The following POGLUT3 variants were observed in gnomAD, a reference collection of about 807,000 sequenced individuals.
POGLUT3 encodes the protein KDEL (Lys-Asp-Glu-Leu) containing 2.
POGLUT3 carries 48 observed loss-of-function variants against 54.3 expected under a neutral mutation model. That is an observed-to-expected ratio of 0.88 (90% CI 0.70 to 1.12). The LOEUF (loss-of-function observed/expected upper bound fraction) is 1.12. Ranked by LOEUF, POGLUT3 falls within the 50% of genes most tolerant of loss-of-function variation. The probability of loss-of-function intolerance (pLI) is 0.00; values close to 1 mark genes in which losing one functional copy is unlikely to be tolerated. For synonymous variants in POGLUT3, 218 were observed against 237.4 expected (o/e 0.92, Z 0.75); for missense variants, 629 against 618.7 (o/e 1.02, Z -0.18).
At position 108,477,708 on chromosome 11, in the gene POGLUT3, T is replaced by C; in HGVS notation, c.1297A>G (p.Asn433Asp). The C allele has an allele frequency of 6.2e-7, 1 of 1,602,556 alleles. No individual in the cohort carries two copies. Among genetic ancestry groups the C allele is most frequent in the Non-Finnish European group, 8.5e-7 (1 of 1,170,142 alleles). The change falls in exon 7 of 8, where the codon AAT becomes GAT. Residue 433 changes from asparagine to aspartate, a missense_variant. Coordinates refer to ENST00000323468, the MANE Select transcript of POGLUT3 (RefSeq NM_153705.5). The part of the protein sequence containing the change: ...LLEKVKWAKE[N>D]DEEAKKIAKE... ...GCAATCTTCTTGGCTTCTTCATCATTTTCCTGAAAGGTTAAAAAAAATAAA... is the reference window on the plus strand; with the variant it reads ...GCAATCTTCTTGGCTTCTTCATCATCTTCCTGAAAGGTTAAAAAAAATAAA...
At chr11:108,490,177 C>A (rs1028019212) in intron 2 of POGLUT3, among the ~76,000 whole-genome samples, 1 of 152,110 alleles carries the variant, frequency 6.6e-6, no homozygotes, top group African/African-American at 2.4e-5. Flanking sequence ...CTGCACATGG[C>A]CTAGCCCAGC....
intron 2 of POGLUT3, 65 bp downstream of exon 2, chr11:108,490,905 G>T: frequency 8.0e-7 from 1 of 1,242,446 alleles, no homozygotes; most frequent in Non-Finnish European, 1.2e-6. Flanking sequence ...ATCAGGTTTA[G>T]GCCATTCTGA....
intron 6 of POGLUT3, 79 bp from the exon 7 acceptor site, chr11:108,477,790 C>G (rs2093584994): frequency 1.1e-6 from 1 of 891,560 alleles, no homozygotes; most frequent in Admixed American, 1.8e-5. Flanking sequence ...TGAGGTGGGA[C>G]AGATGTGGGG....
Position 108,491,563 on chromosome 11 carries a change from G to A in POGLUT3, c.203-396C>T, listed in dbSNP as rs970408372. 4.2e-5 allele frequency: 10 copies of A among 236,946 alleles called. No individual in the cohort carries two copies. The East Asian group carries it at 7.1e-4, about 17-fold the overall frequency. 14.7% of individuals were successfully genotyped at this position (236,946 alleles called of 1,614,324 possible). ...ATTTTTTGTAGAGATGGTGGGGGGC[G>A]GGATGGGTTGGAGGGGGTCTTGCTG... On this transcript the variant is annotated intron_variant, in intron 1 of 7. Transcript: ENST00000323468.
At chr11:108,495,897 C>G (rs1057185471) in intron 1 of POGLUT3, among the ~76,000 whole-genome samples, 1 of 152,248 alleles carries the variant, frequency 6.6e-6, no homozygotes, top group South Asian at 2.1e-4. Flanking sequence ...AGTCACAGAT[C>G]ACAGGGGTAA....
Position 108,474,730 on chromosome 11 carries a change from C to A in POGLUT3, c.*97G>T. On this transcript the variant is annotated 3_prime_UTR_variant, in exon 8 of 8. Coordinates refer to ENST00000323468, the MANE Select transcript of POGLUT3 (RefSeq NM_153705.5). The stretch of plus-strand genomic sequence containing the variant: ...ATATAAAGCCACCGGGAGAACTAGT[C>A]CACTTGGTGCAGTCTTCTATACTGT... 7.1e-7 allele frequency: 1 copy of A among 1,410,032 alleles called. No homozygotes were observed. The highest frequency in any genetic ancestry group is 9.7e-7 in the Non-Finnish European group (1 of 1,027,104). The allele number at this position is 1,410,032 out of a possible 1,614,324, so 87.3% of individuals were successfully genotyped here. A position where few individuals can be genotyped will look rare whatever the true frequency, so the allele number is the denominator to read the frequency against.
In POGLUT3 at chr11:108,482,191, T is replaced by C. The variant is rs368360351; in HGVS notation, c.716A>G (p.Asn239Ser). The C allele has an allele frequency of 1.9e-6, 3 of 1,613,894 alleles. No homozygotes were observed. The highest frequency in any genetic ancestry group is 1.7e-6 in the Non-Finnish European group (2 of 1,179,902). ...VLLPDLEFYV[N>S]LGDWPLEHRK... ...ATGCTCCAAGGGCCAATCTCCAAGA[T>C]TAACATAAAATTCTAAATCTGGGAG... Residue 239 changes from asparagine (N) to serine (S), a missense_variant, in exon 4 of 8, where the codon AAT (asparagine) becomes AGT (serine). Coordinates refer to ENST00000323468, the MANE Select transcript of POGLUT3 (RefSeq NM_153705.5).
At chr11:108,488,346 A>G (rs1383271564) in intron 2 of POGLUT3, among the ~76,000 whole-genome samples, 1 of 152,204 alleles carries the variant, frequency 6.6e-6, no homozygotes, top group African/African-American at 2.4e-5. Context: ...TTTTTAAGGC[A>G]CTAGGTATTA....
At chr11:108,498,096 G>A in intron 1 of POGLUT3, 69 bp downstream of exon 1, 1 of 1,351,522 alleles carries the variant, frequency 7.4e-7, no homozygotes, top group Non-Finnish European at 9.7e-7. Context: ...GCCGCGGGCG[G>A]ACTCCCGGGC....
At chr11:108,489,007 A>C (rs982799632) in intron 2 of POGLUT3, among the ~76,000 whole-genome samples, 1 of 152,210 alleles carries the variant, frequency 6.6e-6, no homozygotes, top group African/African-American at 2.4e-5. Flanking sequence ...CTGTAAAAGC[A>C]AAACTTGGAA....
rs564530328 is a variant in POGLUT3, at chr11:108,482,091, G to A, written c.816C>T (p.Val272=). 485 of 1,614,132 alleles carry A rather than the reference G, an allele frequency of 3.0e-4. 3 individuals are homozygous for A. The South Asian group carries it at 5.0e-3, about 17-fold the overall frequency. Residue 272 remains valine (V), a synonymous_variant, in exon 4 of 8, where the codon GTC becomes GTT. Coordinates refer to ENST00000323468, the MANE Select transcript of POGLUT3 (RefSeq NM_153705.5). ...AGTGGGTGATGTCATACGTTGGAAG[G>A]ACAACATCTCTTGAATCCAGAGAGC... is the stretch of plus-strand genomic sequence containing the variant. ...WCGSLDSRDV[V]LPTYDITHSM...
chr11:108,482,246 T>A (rs1275933674), intron 3 of POGLUT3, 24 bp from the exon 4 acceptor site: 1 of 1,534,538 alleles, frequency 6.5e-7, no homozygotes, highest in Non-Finnish European at 9.0e-7. Context: ...TAAACAAACA[T>A]CAGTGCTGGG....
At position 108,474,600 on chromosome 11, in the gene POGLUT3, A is replaced by G. The variant is rs568918572; in HGVS notation, c.*227T>C. Reference sequence around the variant, plus strand: ...ATCCCCAAGATACCTCATTATGTACATGCAAATATTCCCAAATCTTAAAAA... The same window carrying G: ...ATCCCCAAGATACCTCATTATGTACGTGCAAATATTCCCAAATCTTAAAAA... On this transcript the variant is annotated 3_prime_UTR_variant, in exon 8 of 8. Coordinates refer to ENST00000323468, the MANE Select transcript of POGLUT3 (RefSeq NM_153705.5). 367 of 349,066 alleles carry G rather than the reference A, an allele frequency of 1.1e-3. 1 individual carries two copies. The highest frequency in any genetic ancestry group is 6.9e-3 in the African/African-American group (330 of 47,790). 21.6% of individuals were successfully genotyped at this position (349,066 alleles called of 1,614,324 possible).
intron 4 of POGLUT3, among the ~76,000 whole-genome samples, chr11:108,481,667 G>A (rs1254705792): frequency 3.9e-5 from 6 of 152,078 alleles, no homozygotes; most frequent in Non-Finnish European, 7.4e-5. Context: ...GCAAGTATTC[G>A]TGTATTCTGT....
intron 5 of POGLUT3, among the ~76,000 whole-genome samples, chr11:108,479,964 G>C (rs2093589495): frequency 6.6e-6 from 1 of 152,078 alleles, no homozygotes; most frequent in African/African-American, 2.4e-5. Context: ...CTCCTGAGTA[G>C]CTGGGATTAC....
rs2093574303 is a variant in POGLUT3 at position 108,473,571 on chromosome 11, G to A, written c.*1256C>T. On this transcript the variant is annotated 3_prime_UTR_variant, in exon 8 of 8. Transcript: ENST00000323468. The stretch of plus-strand genomic sequence containing the variant: ...CTGAAATAGAAAAGTGGTGGAGTGA[G>A]GAATGGATGCTTGCCTTTGTTCTTG... The A allele has an allele frequency of 6.6e-6, 1 of 152,182 alleles. No individual in the cohort carries two copies. The allele number at this position is 152,182 out of a possible 1,614,324, so 9.4% of individuals were successfully genotyped here. A position where few individuals can be genotyped will look rare whatever the true frequency, so the allele number is the denominator to read the frequency against.
chr11:108,487,694 C>T (rs1265372379), intron 2 of POGLUT3, among the ~76,000 whole-genome samples: 1 of 152,092 alleles, frequency 6.6e-6, no homozygotes, highest in Non-Finnish European at 1.5e-5. Context: ...TCACTGCAAC[C>T]TCCTCCTCCC....
chr11:108,480,583 A>T (rs2093590484), intron 5 of POGLUT3, among the ~76,000 whole-genome samples: 1 of 152,114 alleles, frequency 6.6e-6, no homozygotes, highest in South Asian at 2.1e-4. Flanking sequence ...TGGTAAATAA[A>T]TTTTTCTTAA....
At chr11:108,481,087 G>A (rs2093591346) in intron 5 of POGLUT3, 93 bp downstream of exon 5, 1 of 888,072 alleles carries the variant, frequency 1.1e-6, no homozygotes. Flanking sequence ...CAGTTCACAA[G>A]CCAGGTGAAA....
Sources: allele counts gnomAD v4.1 joint callset (sites outside exome capture counted in the v4.1 genomes callset), GRCh38; gene constraint gnomAD v4.1.1; transcripts MANE v1.5; gene names NCBI Gene and HGNC (gene_info 2026-07-23, HGNC 2026-07-21).